TMEM74B: variants seen among roughly 807,000 people sequenced by gnomAD.
The protein encoded by TMEM74B is transmembrane protein 74B.
TMEM74B carries 7 observed loss-of-function variants against 6.5 expected under a neutral mutation model. The observed-to-expected ratio is 1.07, with a 90% CI of 0.61 to 2.01. The LOEUF (loss-of-function observed/expected upper bound fraction) is 2.01. Among genes scored for constraint, TMEM74B ranks in the 30% most tolerant of loss-of-function variants. TMEM74B has a pLI of 0.00. For synonymous variants in TMEM74B, 151 were observed against 151.6 expected (o/e 1.00, Z 0.03); for missense variants, 342 against 337.0 (o/e 1.01, Z -0.12).
Position 1,180,896 on chromosome 20 carries a change from A to C in TMEM74B, c.723T>G (p.Asn241Lys). 3.1e-6 allele frequency: 5 copies of C among 1,610,860 alleles called. No homozygotes were observed. The highest frequency in any genetic ancestry group is 3.4e-6 in the Non-Finnish European group (4 of 1,178,034). ...NGDGGQALVE[N>K]EVVQVSETSH... ...TAGTCTCTGAGACCTGGACAACTTC[A>C]TTCTCCACCAGGGCCTGGCCCCCAT... The change falls in exon 3 of 3, where the codon AAT becomes AAG. Residue 241 changes from asparagine (N) to lysine (K), a missense_variant. Transcript: ENST00000429036. This position sits in a 1 kb window ranked among gnomAD's most constrained non-coding sequence, Gnocchi z 6.1.
chr20:1,183,265 T>C (rs1361512041), intron 2 of TMEM74B, among the ~76,000 whole-genome samples: 2 of 151,908 alleles, frequency 1.3e-5, no homozygotes, highest in African/African-American at 2.4e-5. Context: ...CGGAGTTTAT[T>C]CTCCAGTGCA....
rs2086858888 is a variant in TMEM74B, at chr20:1,181,280, C to T, written c.339G>A (p.Glu113=). ...SLHSEEGPAL[E]PVSRPVDYGF... is the part of the protein sequence containing the mutation. ...CATAATCCACCGGGCGGCTCACGGG[C>T]TCCAGGGCTGGCCCCTCCTCTGAAT... The change falls in exon 3 of 3, where the codon GAG becomes GAA. Residue 113 remains glutamate (E), a synonymous_variant. Coordinates refer to ENST00000429036, the MANE Select transcript of TMEM74B (RefSeq NM_001304748.2). This position sits in a 1 kb window ranked among gnomAD's most constrained non-coding sequence, Gnocchi z 4.9. The T allele has an allele frequency of 6.2e-7, 1 of 1,613,428 alleles. No homozygotes were observed. The highest frequency in any genetic ancestry group is 1.1e-5 in the South Asian group (1 of 90,902).
chr20:1,181,007 C>T lies in TMEM74B; in HGVS notation c.612G>A (p.Leu204=), dbSNP rs749446801. 2 of 1,614,014 alleles carry T rather than the reference C, an allele frequency of 1.2e-6. No individual in the cohort carries two copies. Among genetic ancestry groups the T allele is most frequent in the Admixed American group, 1.7e-5 (1 of 60,022 alleles). The change falls in exon 3 of 3, where the codon CTG becomes CTA. Residue 204 remains leucine, a synonymous_variant. Coordinates refer to ENST00000429036, the MANE Select transcript of TMEM74B (RefSeq NM_001304748.2). This position sits in a 1 kb window ranked among gnomAD's most constrained non-coding sequence, Gnocchi z 4.9. ...LLMVSLCKGE[L]YRRRTFVPGK... is the part of the protein sequence containing the mutation. The stretch of plus-strand genomic sequence containing the variant: ...CGGGGACGAAGGTCCTCCGGCGGTA[C>T]AGCTCGCCCTTGCACAGGGAGACCA...
At chr20:1,185,456 G>A (rs1241715756), upstream of TMEM74B, 3 of 151,348 alleles carry the variant, frequency 2.0e-5, no homozygotes, top group Non-Finnish European at 4.4e-5. Flanking sequence ...GGGGGGATCC[G>A]GGGACGGAGG....
chr20:1,181,210 C>T lies in TMEM74B; in HGVS notation c.409G>A (p.Val137Met). Residue 137 changes from valine to methionine, a missense_variant, in exon 3 of 3, where the codon GTG becomes ATG. Coordinates refer to ENST00000429036, the MANE Select transcript of TMEM74B (RefSeq NM_001304748.2). This position sits in a 1 kb window ranked among gnomAD's most constrained non-coding sequence, Gnocchi z 4.9. ...LVFLVSGILL[V>M]VTAYAIPREA... ...CGGGGGATGGCGTATGCTGTCACCA[C>T]CAGAAGAATCCCACTCACCAGGAAA... The T allele has an allele frequency of 1.2e-6, 2 of 1,614,180 alleles. No individual in the cohort carries two copies. Among genetic ancestry groups the T allele is most frequent in the Non-Finnish European group, 1.7e-6 (2 of 1,180,026 alleles).
rs2086836894 is a variant in TMEM74B, at chr20:1,180,660, G to C, written c.*188C>G. On this transcript the variant is annotated 3_prime_UTR_variant, in exon 3 of 3. Coordinates refer to ENST00000429036, the MANE Select transcript of TMEM74B (RefSeq NM_001304748.2). The surrounding 1 kb of genome is among the most constrained non-coding windows in gnomAD (Gnocchi z 6.1). ...ACCTCAGCTACAAAACAGATCAGTGGGCTGCTTGCCCGTGTGGGGCATGGG... is the reference window on the plus strand; with the variant it reads ...ACCTCAGCTACAAAACAGATCAGTGCGCTGCTTGCCCGTGTGGGGCATGGG... 1 of 649,772 alleles carries C rather than the reference G, an allele frequency of 1.5e-6. No homozygotes were observed. The highest frequency in any genetic ancestry group is 2.3e-6 in the Non-Finnish European group (1 of 432,442). The allele number at this position is 649,772 out of a possible 1,614,324, so 40.3% of individuals were successfully genotyped here.
At chr20:1,186,268 A>G (rs3827158), upstream of TMEM74B, 71,245 of 152,014 alleles carry the variant, frequency 0.47, 17,402 homozygotes, top group African/African-American at 0.61. Context: ...ATGTCTGATC[A>G]CCTAGAAGAC....
At position 1,181,312 on chromosome 20, in the gene TMEM74B, A is replaced by T; in HGVS notation, c.307T>A (p.Ser103Thr). ...GCTGGCCCCTCCTCTGAATGAAGGG[A>T]CAGATCATCCCGCTGGGATCGGGGC... ...SLPRSQRDDL[S>T]LHSEEGPALE... is the part of the protein sequence containing the mutation. Residue 103 changes from serine to threonine, a missense_variant, in exon 3 of 3, where the codon TCC becomes ACC. By Grantham distance (58) the Ser-to-Thr change is moderately conservative (BLOSUM62 1). Transcript: ENST00000429036. This position sits in a 1 kb window ranked among gnomAD's most constrained non-coding sequence, Gnocchi z 4.9. 1 of 1,609,554 alleles carries T rather than the reference A, an allele frequency of 6.2e-7. No individual in the cohort carries two copies. Among genetic ancestry groups the T allele is most frequent in the Non-Finnish European group, 8.5e-7 (1 of 1,177,408 alleles).
Position 1,181,241 on chromosome 20 carries a change from G to A in TMEM74B, c.378C>T (p.Ala126=). 1 of 1,614,098 alleles carries A rather than the reference G, an allele frequency of 6.2e-7. No individual in the cohort carries two copies. The highest frequency in any genetic ancestry group is 8.5e-7 in the Non-Finnish European group (1 of 1,180,010). The change falls in exon 3 of 3, where the codon GCC becomes GCT. Residue 126 remains alanine (A), a synonymous_variant. Coordinates refer to ENST00000429036, the MANE Select transcript of TMEM74B (RefSeq NM_001304748.2). This position sits in a 1 kb window ranked among gnomAD's most constrained non-coding sequence, Gnocchi z 4.9. ...SRPVDYGFVS[A]LVFLVSGILL... ...GAATCCCACTCACCAGGAAAACGAG[G>A]GCGGAAACAAAGCCATAATCCACCG...
upstream of TMEM74B, among the ~76,000 whole-genome samples, chr20:1,188,152 TA>T (rs1452866213): frequency 9.9e-5 from 14 of 142,108 alleles, no homozygotes; most frequent in South Asian, 9.0e-4. Flanking sequence ...TATATATATA[TA>T]ATACACACAC....
At chr20:1,182,392 G>A (rs998723941) in intron 2 of TMEM74B, among the ~76,000 whole-genome samples, 4 of 152,130 alleles carry the variant, frequency 2.6e-5, no homozygotes, top group African/African-American at 9.7e-5. Flanking sequence ...TGAAAGCCAG[G>A]CCAAGGAGCC....
Position 1,181,839 on chromosome 20 carries a change from C to A in TMEM74B, c.32-252G>T, listed in dbSNP as rs75580920. Among the ~76,000 whole-genome samples, 1,327 of 152,276 alleles carry A rather than the reference C, an allele frequency of 8.7e-3. 9 individuals are homozygous for A. The highest frequency in any genetic ancestry group is 0.016 in the Non-Finnish European group (1,063 of 68,014). On this transcript the variant is annotated intron_variant, in intron 2 of 2. Transcript: ENST00000429036. This position sits in a 1 kb window ranked among gnomAD's most constrained non-coding sequence, Gnocchi z 4.9. ...TCCTGTCTGGCTTCAGTTTCCCCAC[C>A]TATAAAATAATACTACTACTACCCT...
upstream of TMEM74B, chr20:1,186,480 G>A (rs749217191): frequency 6.6e-6 from 1 of 152,162 alleles, no homozygotes; most frequent in Non-Finnish European, 1.5e-5. Flanking sequence ...GTGACCAGCT[G>A]AATCGTGTGG....
intron 2 of TMEM74B, among the ~76,000 whole-genome samples, chr20:1,182,149 T>G (rs1030111543): frequency 2.3e-5 from 3 of 132,444 alleles, no homozygotes; most frequent in African/African-American, 8.8e-5. Context: ...GCCAGTGCAA[T>G]CCATGGACCT....
At chr20:1,185,727 AAGAAG>A (rs1355892257), upstream of TMEM74B, among the ~76,000 whole-genome samples, 2 of 151,936 alleles carry the variant, frequency 1.3e-5, no homozygotes, top group East Asian at 3.9e-4. Flanking sequence ...GGGGCTGCTG[AAGAAG>A]ATCCCTCCCC....
At chr20:1,187,346 C>T (rs1406979200), upstream of TMEM74B, among the ~76,000 whole-genome samples, 1 of 152,080 alleles carries the variant, frequency 6.6e-6, no homozygotes, top group Non-Finnish European at 1.5e-5. Flanking sequence ...TGCAGTATCC[C>T]CAGACACTAG....
rs920540202 is a variant in TMEM74B at position 1,180,915 on chromosome 20, C to A, written c.704G>T (p.Gly235Val). 9.9e-6 allele frequency: 16 copies of A among 1,613,474 alleles called. No homozygotes were observed. The highest frequency in any genetic ancestry group is 1.4e-5 in the Non-Finnish European group (16 of 1,179,538). The change falls in exon 3 of 3, where the codon GGC (glycine) becomes GTC (valine). Residue 235 changes from glycine to valine, a missense_variant. Gly to Val is a moderately radical substitution (Grantham distance 109). Coordinates refer to ENST00000429036, the MANE Select transcript of TMEM74B (RefSeq NM_001304748.2). The surrounding 1 kb of genome is among the most constrained non-coding windows in gnomAD (Gnocchi z 6.1). ...AACTTCATTCTCCACCAGGGCCTGG[C>A]CCCCATCCCCATTGAGCTGTCTCAT... is the stretch of plus-strand genomic sequence containing the variant. ...LRMRQLNGDG[G>V]QALVENEVVQ...
intron 2 of TMEM74B, among the ~76,000 whole-genome samples, chr20:1,182,682 C>T (rs984976967): frequency 1.3e-5 from 2 of 152,138 alleles, no homozygotes; most frequent in South Asian, 2.1e-4. Flanking sequence ...GGGACACTCT[C>T]TGTGCTGCAA....
chr20:1,183,758 A>T lies in TMEM74B; in HGVS notation c.31+13T>A. 1 of 1,613,924 alleles carries T rather than the reference A, an allele frequency of 6.2e-7. No homozygotes were observed. The highest frequency in any genetic ancestry group is 8.5e-7 in the Non-Finnish European group (1 of 1,179,962). ...GAATGCAGATTCCCTAAGAATTATT[A>T]TCATGTACAAACCTGCAAACTCATA... On this transcript the variant is annotated intron_variant, in intron 2 of 2. Coordinates refer to ENST00000429036, the MANE Select transcript of TMEM74B (RefSeq NM_001304748.2).
Sources: allele counts gnomAD v4.1 joint callset (sites outside exome capture counted in the v4.1 genomes callset), GRCh38; gene constraint gnomAD v4.1.1; non-coding constraint Gnocchi (gnomAD v3.1); transcripts MANE v1.5; gene names NCBI Gene and HGNC (gene_info 2026-07-23, HGNC 2026-07-21).